KIF6: variants seen among roughly 807,000 people sequenced by gnomAD.
KIF6 encodes the protein kinesin-like protein KIF6.
A neutral mutation model predicts 112.7 loss-of-function variants in KIF6; 106 were observed. The observed-to-expected ratio is 0.94, with a 90% confidence interval of 0.80 to 1.11. The LOEUF is 1.11. KIF6 is among the 50% of genes least tolerant of loss of function. The pLI is 0.00. For missense variants in KIF6, 929 were observed against 964.0 expected (o/e 0.96, Z 0.48); for synonymous variants, 339 against 339.9 (o/e 1.00, Z 0.03).
intron 14 of KIF6, among the ~76,000 whole-genome samples, chr6:39,424,505 A>G (rs1770622311): frequency 6.6e-6 from 1 of 152,204 alleles, no homozygotes; most frequent in Admixed American, 6.5e-5. Context: ...ATATTTGTAG[A>G]ATAAAAGAAG....
intron 13 of KIF6, among the ~76,000 whole-genome samples, chr6:39,488,144 T>C (rs951025800): frequency 1.3e-5 from 2 of 152,240 alleles, no homozygotes; most frequent in African/African-American, 4.8e-5. Flanking sequence ...CGAAGTTATT[T>C]TCTTGACCCA....
intron 14 of KIF6, among the ~76,000 whole-genome samples, chr6:39,429,767 G>A (rs1163503306): frequency 6.6e-6 from 1 of 152,102 alleles, no homozygotes; most frequent in Non-Finnish European, 1.5e-5. Flanking sequence ...AATTAGCCAG[G>A]TGTGGTGGCG....
intron 13 of KIF6, among the ~76,000 whole-genome samples, chr6:39,529,887 G>A (rs768290563): frequency 1.1e-4 from 16 of 152,320 alleles, no homozygotes; most frequent in Non-Finnish European, 1.8e-4. Context: ...ATCTTTGAAT[G>A]TCCAAATTCT....
At chr6:39,709,422 A>G (rs1789405663) in intron 3 of KIF6, among the ~76,000 whole-genome samples, 2 of 152,192 alleles carry the variant, frequency 1.3e-5, no homozygotes, top group South Asian at 4.1e-4. Context: ...TTGTGCTCCT[A>G]TGAGGATCTA....
chr6:39,656,953 G>A (rs887560603), intron 3 of KIF6, among the ~76,000 whole-genome samples: 2 of 152,006 alleles, frequency 1.3e-5, no homozygotes, highest in Admixed American at 6.6e-5. Flanking sequence ...TTCTTTGGCC[G>A]GGCATGGTGG....
chr6:39,429,953 A>G (rs993445579), intron 14 of KIF6, among the ~76,000 whole-genome samples: 3 of 152,122 alleles, frequency 2.0e-5, no homozygotes, highest in Admixed American at 6.5e-5. Flanking sequence ...TTTGAAGGCA[A>G]TGACATTTCT....
chr6:39,667,480 C>A (rs572841123), intron 3 of KIF6, among the ~76,000 whole-genome samples: 1 of 152,118 alleles, frequency 6.6e-6, no homozygotes, highest in Non-Finnish European at 1.5e-5. Context: ...CTAATCCACT[C>A]GGACTCATAC....
intron 12 of KIF6, among the ~76,000 whole-genome samples, chr6:39,542,943 T>C (rs1270893094): frequency 1.3e-5 from 2 of 152,174 alleles, no homozygotes; most frequent in African/African-American, 4.8e-5. Context: ...GAGTGTCAGA[T>C]GGAGGGAGCC....
chr6:39,706,602 A>G (rs1789226567), intron 3 of KIF6, among the ~76,000 whole-genome samples: 1 of 152,248 alleles, frequency 6.6e-6, no homozygotes, highest in African/African-American at 2.4e-5. Context: ...TAAAGTCACA[A>G]AAGCCAGAAA....
intron 3 of KIF6, among the ~76,000 whole-genome samples, chr6:39,703,345 G>C (rs1193591783): frequency 1.3e-5 from 2 of 152,064 alleles, no homozygotes; most frequent in Non-Finnish European, 2.9e-5. Flanking sequence ...ATCTATTCTA[G>C]TTTCAGCTCC....
chr6:39,517,476 T>C lies in KIF6; in HGVS notation c.1645+22527A>G, dbSNP rs999799663. ...CCTTGGACACATGAACCACCACCTA[T>C]GGCACTGTCATCTCCTGCCTCCCTC... On this transcript the variant is annotated intron_variant, in intron 13 of 22. Coordinates refer to ENST00000287152, the MANE Select transcript of KIF6 (RefSeq NM_145027.6). 5.3e-5 allele frequency among the ~76,000 whole-genome samples: 8 copies of C among 152,200 alleles called. No individual in the cohort carries two copies. The East Asian group carries it at 7.7e-4, about 15-fold the overall frequency.
intron 3 of KIF6, among the ~76,000 whole-genome samples, chr6:39,677,482 T>C (rs1189871538): frequency 2.0e-5 from 3 of 151,600 alleles, no homozygotes; most frequent in Non-Finnish European, 4.4e-5. Flanking sequence ...GGAAGTTTTT[T>C]AGTTATTAAA....
chr6:39,406,012 T>C (rs562969302), intron 15 of KIF6, among the ~76,000 whole-genome samples: 1 of 152,202 alleles, frequency 6.6e-6, no homozygotes, highest in Non-Finnish European at 1.5e-5. Context: ...TCTGTAATGA[T>C]ATTTCCTCTT....
At chr6:39,517,727 G>T (rs1013915314) in intron 13 of KIF6, among the ~76,000 whole-genome samples, 3 of 152,156 alleles carry the variant, frequency 2.0e-5, no homozygotes, top group Admixed American at 2.0e-4. Context: ...AATCAATTAG[G>T]TTTTTACTTC....
At chr6:39,504,212 C>G (rs972807329) in intron 13 of KIF6, among the ~76,000 whole-genome samples, 1 of 152,134 alleles carries the variant, frequency 6.6e-6, no homozygotes, top group Non-Finnish European at 1.5e-5. Context: ...AAACACAAAT[C>G]AATAAATGTG....
At chr6:39,477,406 G>T (rs1774494120) in intron 13 of KIF6, among the ~76,000 whole-genome samples, 1 of 152,216 alleles carries the variant, frequency 6.6e-6, no homozygotes, top group South Asian at 2.1e-4. Flanking sequence ...TGATATAAGG[G>T]CAAGTTATGT....
At chr6:39,510,708 A>G (rs1776726190) in intron 13 of KIF6, among the ~76,000 whole-genome samples, 1 of 152,148 alleles carries the variant, frequency 6.6e-6, no homozygotes, top group South Asian at 2.1e-4. Flanking sequence ...TTAACCTTAA[A>G]TGTAAATGGG....
intron 13 of KIF6, among the ~76,000 whole-genome samples, chr6:39,472,939 T>C (rs1774213715): frequency 1.4e-5 from 2 of 145,822 alleles, no homozygotes; most frequent in East Asian, 2.0e-4. Context: ...CAGGCTGGAG[T>C]ACAATGGCGC....
chr6:39,349,636 T>TTTTTTTTTTTTTTG, intron 19 of KIF6, among the ~76,000 whole-genome samples: 1 of 61,278 alleles, frequency 1.6e-5, no homozygotes, highest in African/African-American at 7.8e-5. Context: ...TGGCTCTTTT[T>TTTTTTTTTTTTTTG]TTTTTTTTTT....
Sources: allele counts gnomAD v4.1 joint callset (sites outside exome capture counted in the v4.1 genomes callset), GRCh38; gene constraint gnomAD v4.1.1; transcripts MANE v1.5; gene names NCBI Gene and HGNC (gene_info 2026-07-23, HGNC 2026-07-21).